ZNF804B: variants seen among roughly 807,000 people sequenced by gnomAD.
ZNF804B encodes the protein zinc finger 804B.
A neutral mutation model predicts 101.4 loss-of-function variants in ZNF804B; 80 were observed. That is an observed-to-expected ratio of 0.79 (90% CI 0.66 to 0.95). ZNF804B has a LOEUF of 0.95. Ranked by LOEUF, ZNF804B falls within the 40% of genes least tolerant of loss-of-function variation. The pLI is 0.00. For missense variants in ZNF804B, 1,673 were observed against 1,561.9 expected (o/e 1.07, Z -1.20); for synonymous variants, 622 against 558.8 (o/e 1.11, Z -1.59).
chr7:89,153,864 C>T (rs1562898889), intron 1 of ZNF804B, among the ~76,000 whole-genome samples: 1 of 152,108 alleles, frequency 6.6e-6, no homozygotes, highest in Non-Finnish European at 1.5e-5. Flanking sequence ...AGACAGTAGC[C>T]TATTCTGTTA....
intron 1 of ZNF804B, among the ~76,000 whole-genome samples, chr7:88,949,161 G>A (rs530008783): frequency 1.3e-5 from 2 of 151,858 alleles, no homozygotes; most frequent in East Asian, 3.9e-4. Flanking sequence ...ATCATGGCGT[G>A]TAAGTCATCC....
At chr7:89,214,970 A>G (rs1306789012) in intron 1 of ZNF804B, among the ~76,000 whole-genome samples, 1 of 152,230 alleles carries the variant, frequency 6.6e-6, no homozygotes, top group Non-Finnish European at 1.5e-5. Context: ...TATACAAAAC[A>G]TGAAATTACT....
At chr7:89,127,834 G>T (rs1008421465) in intron 1 of ZNF804B, among the ~76,000 whole-genome samples, 6 of 151,402 alleles carry the variant, frequency 4.0e-5, no homozygotes, top group African/African-American at 9.7e-5. Context: ...ACTTTCTGAT[G>T]ATAAATTCAG....
chr7:89,265,658 A>G (rs536978335), intron 2 of ZNF804B, among the ~76,000 whole-genome samples: 4 of 152,230 alleles, frequency 2.6e-5, no homozygotes, highest in Non-Finnish European at 5.9e-5. Context: ...GGGTAATCTC[A>G]AAATAAAATG....
chr7:88,927,913 A>G (rs1792830427), intron 1 of ZNF804B, among the ~76,000 whole-genome samples: 1 of 151,980 alleles, frequency 6.6e-6, no homozygotes, highest in Non-Finnish European at 1.5e-5. Flanking sequence ...TAATATGTGG[A>G]CCAGCCTTCT....
At chr7:89,251,934 G>T (rs1475369476) in intron 2 of ZNF804B, among the ~76,000 whole-genome samples, 1 of 152,102 alleles carries the variant, frequency 6.6e-6, no homozygotes, top group African/African-American at 2.4e-5. Context: ...TTAAATGTAA[G>T]ACCTCAAACT....
chr7:89,156,718 T>G, intron 1 of ZNF804B, among the ~76,000 whole-genome samples: 1 of 152,168 alleles, frequency 6.6e-6, no homozygotes, highest in East Asian at 1.9e-4. Context: ...ATGGTTGCTT[T>G]TGCACCATTT....
intron 1 of ZNF804B, among the ~76,000 whole-genome samples, chr7:88,866,333 T>C (rs1033538160): frequency 2.6e-5 from 4 of 152,218 alleles, no homozygotes; most frequent in Admixed American, 2.0e-4. Flanking sequence ...AGAGGTTGTG[T>C]TTATTCCCTT....
intron 1 of ZNF804B, among the ~76,000 whole-genome samples, chr7:88,976,719 T>G (rs1793619762): frequency 6.6e-6 from 1 of 151,744 alleles, no homozygotes; most frequent in African/African-American, 2.4e-5. Flanking sequence ...GTATGGATGC[T>G]CTTGATTTCT....
chr7:88,822,962 G>A (rs780732774), intron 1 of ZNF804B, among the ~76,000 whole-genome samples: 4 of 152,168 alleles, frequency 2.6e-5, no homozygotes, highest in African/African-American at 4.8e-5. Flanking sequence ...TGTAATGTCA[G>A]CACTTTGGGA....
chr7:89,113,723 C>T (rs1423479996), intron 1 of ZNF804B, among the ~76,000 whole-genome samples: 4 of 152,010 alleles, frequency 2.6e-5, no homozygotes, highest in Non-Finnish European at 5.9e-5. Context: ...GAGGCCAAGG[C>T]GGGCAGATCA....
At chr7:89,027,236 A>T (rs1275701423) in intron 1 of ZNF804B, among the ~76,000 whole-genome samples, 1 of 151,930 alleles carries the variant, frequency 6.6e-6, no homozygotes, top group African/African-American at 2.4e-5. Flanking sequence ...ATGCTGCAGA[A>T]AAAAAGCCAG....
At chr7:88,909,665 G>C (rs1792520438) in intron 1 of ZNF804B, among the ~76,000 whole-genome samples, 1 of 151,564 alleles carries the variant, frequency 6.6e-6, no homozygotes, top group African/African-American at 2.4e-5. Context: ...TTTCTTGATT[G>C]CCTTGTTAAT....
At chr7:89,312,567 C>T (rs2115948615) in intron 2 of ZNF804B, among the ~76,000 whole-genome samples, 1 of 152,266 alleles carries the variant, frequency 6.6e-6, no homozygotes, top group Non-Finnish European at 1.5e-5. Context: ...TGCTTGGATG[C>T]ATTTATTCCA....
intron 2 of ZNF804B, among the ~76,000 whole-genome samples, chr7:89,289,933 G>A (rs1790259925): frequency 6.6e-6 from 1 of 152,186 alleles, no homozygotes; most frequent in African/African-American, 2.4e-5. Flanking sequence ...AGCACAGCTT[G>A]TGGATCCAAG....
In ZNF804B at chr7:88,951,321, A is replaced by G. The variant is rs984753625; in HGVS notation, c.108+191237A>G. On this transcript the variant is annotated intron_variant, in intron 1 of 3. Transcript: ENST00000333190. ...ATGCACTTGCAGACATTGCTTCAAC[A>G]TTTTGTATTAATATAGAACCATTGG... Among the ~76,000 whole-genome samples, 3 of 151,880 alleles carry G rather than the reference A, an allele frequency of 2.0e-5. No individual in the cohort carries two copies. In the East Asian group the frequency reaches 5.9e-4, roughly 30 times the overall value.
chr7:88,998,233 C>A (rs908132481), intron 1 of ZNF804B, among the ~76,000 whole-genome samples: 3 of 152,054 alleles, frequency 2.0e-5, no homozygotes, highest in Non-Finnish European at 4.4e-5. Flanking sequence ...TCCATATAAT[C>A]CTGGCTAGCC....
rs866797801 is a variant in ZNF804B, at chr7:88,794,744, C to T, written c.108+34660C>T. 6 of 1,613,308 alleles carry T rather than the reference C, an allele frequency of 3.7e-6. No homozygotes were observed. The Admixed American group carries it at 6.7e-5, about 18-fold the overall frequency. ...GACTGAAACATTTGTTCATAGTAGT[C>T]AGCAACATCTTTTCTTTCTACATTT... On this transcript the variant is annotated intron_variant, in intron 1 of 3. Transcript: ENST00000333190.
At chr7:89,313,362 G>GTA (rs1225946136) in intron 2 of ZNF804B, among the ~76,000 whole-genome samples, 1 of 152,162 alleles carries the variant, frequency 6.6e-6, no homozygotes, top group East Asian at 1.9e-4. Flanking sequence ...GTGCAGAGAT[G>GTA]GAAGGAGTTA....
Sources: gnomAD v4.1 joint callset for allele counts (sites outside exome capture counted in the v4.1 genomes callset) on GRCh38, gnomAD v4.1.1 for gene constraint, MANE v1.5 for transcripts, NCBI Gene and HGNC (gene_info 2026-07-23, HGNC 2026-07-21) for gene names.